PRH1: variants seen among roughly 807,000 people sequenced by gnomAD.
PRH1 encodes proline rich protein HaeIII subfamily 1, also known as salivary acidic proline-rich phosphoprotein 1/2.
PRH1 carries 7 observed loss-of-function variants against 7.9 expected under a neutral mutation model. That is an observed-to-expected ratio of 0.89 (90% CI 0.50 to 1.67). The LOEUF is 1.67. PRH1 is among the 40% of genes most tolerant of loss of function. The pLI is 0.00. For missense variants in PRH1, 109 were observed against 223.6 expected, an observed-to-expected ratio of 0.49 and a Z score of 3.27; for synonymous variants, 45 against 80.8, an observed-to-expected ratio of 0.56 and a Z score of 2.38.
chr12:10,929,090 G>C (rs1950164172), intron 2 of PRH1: 1 of 666,752 alleles, frequency 1.5e-6, no homozygotes, highest in Admixed American at 2.7e-5. Context: ...TGCTAGGCTA[G>C]AGTCCCAGAA....
intron 1 of PRH1, among the ~76,000 whole-genome samples, chr12:11,083,537 C>CAT (rs1174337203): frequency 2.2e-5 from 3 of 138,902 alleles, no homozygotes; most frequent in Non-Finnish European, 4.5e-5. Flanking sequence ...ACATAACATA[C>CAT]ATATATATAT....
intron 1 of PRH1, among the ~76,000 whole-genome samples, chr12:11,075,820 T>C (rs148211032): frequency 4.5e-4 from 64 of 141,192 alleles, no homozygotes; most frequent in Middle Eastern, 7.1e-3. Context: ...CAACTGCAGA[T>C]TTTGTCAAGA....
At chr12:11,047,515 CAAAAA>C (rs35592412), upstream of PRH1, among the ~76,000 whole-genome samples, 15 of 81,404 alleles carry the variant, frequency 1.8e-4, no homozygotes, top group South Asian at 6.6e-4. Context: ...ATGTCAATTT[CAAAAA>C]AAAAAAGGTT....
chr12:11,156,259 C>T (rs1463617329), intron 1 of PRH1, among the ~76,000 whole-genome samples: 1 of 152,198 alleles, frequency 6.6e-6, no homozygotes, highest in Admixed American at 6.5e-5. Context: ...ATCCTTTCAA[C>T]ATAATCTATC....
intron 1 of PRH1, among the ~76,000 whole-genome samples, chr12:11,079,661 T>G (rs1944432544): frequency 8.5e-6 from 1 of 117,808 alleles, no homozygotes; most frequent in Non-Finnish European, 2.0e-5. Context: ...GAATTCAGGA[T>G]TCAAGGGAAA....
chr12:10,978,659 T>C (rs566136960), intron 1 of PRH1, among the ~76,000 whole-genome samples: 1 of 151,988 alleles, frequency 6.6e-6, no homozygotes, highest in South Asian at 2.1e-4. Context: ...TGGGAGAAAA[T>C]ATTTTGCTAA....
At chr12:10,966,772 A>G (rs531190058) in intron 2 of PRH1, among the ~76,000 whole-genome samples, 21 of 152,330 alleles carry the variant, frequency 1.4e-4, no homozygotes, top group African/African-American at 4.8e-4. Context: ...TAGAGGAGCC[A>G]AAAGAAAAAT....
intron 2 of PRH1, among the ~76,000 whole-genome samples, chr12:10,934,321 T>C (rs1345103963): frequency 1.3e-5 from 2 of 152,258 alleles, no homozygotes; most frequent in African/African-American, 4.8e-5. Flanking sequence ...CTATAAACCA[T>C]CTCACCATTA....
intron 1 of PRH1, chr12:10,986,803 C>A: frequency 3.2e-6 from 5 of 1,565,432 alleles, no homozygotes; most frequent in South Asian, 2.5e-5. Context: ...GCAAAGTTTC[C>A]GAGAACAAAT....
chr12:11,027,874 G>GC (rs1358376755), intron 1 of PRH1, among the ~76,000 whole-genome samples: 1 of 152,202 alleles, frequency 6.6e-6, no homozygotes, highest in Non-Finnish European at 1.5e-5. Flanking sequence ...AAACAAAATA[G>GC]CAAGTGCAGA....
chr12:11,109,378 C>T (rs538290701), intron 1 of PRH1, among the ~76,000 whole-genome samples: 4 of 152,282 alleles, frequency 2.6e-5, no homozygotes, highest in Middle Eastern at 3.4e-3. Context: ...TACTGGGAGA[C>T]ATCTCCCAGC....
intron 1 of PRH1, chr12:11,078,629 T>C (rs1279836696): frequency 6.6e-6 from 1 of 152,236 alleles, no homozygotes; most frequent in Non-Finnish European, 1.5e-5. Context: ...AACCTCTCCA[T>C]AATTTGAATC....
At chr12:11,157,826 G>A (rs922637933) in intron 1 of PRH1, among the ~76,000 whole-genome samples, 1 of 152,188 alleles carries the variant, frequency 6.6e-6, no homozygotes, top group Non-Finnish European at 1.5e-5. Flanking sequence ...GATAGTGGTG[G>A]TGGTGGTGAT....
intron 1 of PRH1, chr12:11,062,427 T>C: frequency 1.6e-6 from 2 of 1,248,066 alleles, no homozygotes; most frequent in Admixed American, 2.9e-5. Context: ...TTACTTTTAA[T>C]TGCTGTGACC....
chr12:10,988,722 A>C lies in PRH1; in HGVS notation c.-125-15001T>G, dbSNP rs1017190098. On this transcript the variant is annotated intron_variant, in intron 1 of 3. Coordinates refer to the PRH1 transcript ENST00000539853. Reference sequence around the variant, plus strand: ...GTCACATTGCAAATAGCCTAGGTCCACCTCCATGCCACTCTCCAAGCCCCT... The same window carrying C: ...GTCACATTGCAAATAGCCTAGGTCCCCCTCCATGCCACTCTCCAAGCCCCT... Among the ~76,000 whole-genome samples, 14 of 151,950 alleles carry C rather than the reference A, an allele frequency of 9.2e-5. No homozygotes were observed. In the East Asian group the frequency reaches 1.5e-3, roughly 17 times the overall value.
chr12:11,064,987 T>C (rs764671003), intron 1 of PRH1, among the ~76,000 whole-genome samples: 2 of 152,002 alleles, frequency 1.3e-5, no homozygotes, highest in East Asian at 1.9e-4. Context: ...CAGTAAGCCA[T>C]GATCCTACCA....
intron 2 of PRH1, among the ~76,000 whole-genome samples, chr12:10,892,619 A>G (rs1949591232): frequency 6.6e-6 from 1 of 152,194 alleles, no homozygotes; most frequent in South Asian, 2.1e-4. Flanking sequence ...AATATCCCAT[A>G]TCATGATAGG....
intron 2 of PRH1, among the ~76,000 whole-genome samples, chr12:10,897,794 G>A (rs950618476): frequency 7.9e-5 from 12 of 152,250 alleles, no homozygotes; most frequent in African/African-American, 2.9e-4. Flanking sequence ...CACCAAGGGG[G>A]AAACTGCCCC....
chr12:11,028,770 C>A (rs1942039295), intron 1 of PRH1, among the ~76,000 whole-genome samples: 1 of 150,382 alleles, frequency 6.6e-6, no homozygotes, highest in Non-Finnish European at 1.5e-5. Flanking sequence ...CCAACTCAGA[C>A]ACCTGATACA....
Sources: gnomAD v4.1 joint callset for allele counts (sites outside exome capture counted in the v4.1 genomes callset) on GRCh38, gnomAD v4.1.1 for gene constraint, MANE v1.5 for transcripts, NCBI Gene and HGNC (gene_info 2026-07-23, HGNC 2026-07-21) for gene names.